Variants in ECHDC1 observed in about 807,000 individuals in gnomAD.
ECHDC1 encodes ethylmalonyl-CoA decarboxylase 1.
In ECHDC1, 29 loss-of-function variants were observed where a neutral mutation model predicts 29.7. That is an observed-to-expected ratio of 0.98 (90% confidence interval 0.73 to 1.33). The LOEUF is 1.33. Among genes scored for constraint, ECHDC1 ranks in the 40% most tolerant of loss-of-function variants. The pLI is 0.00. For missense variants in ECHDC1, 328 were observed against 350.0 expected (o/e 0.94, Z 0.50); for synonymous variants, 126 against 123.1 (o/e 1.02, Z -0.15).
chr6:127,310,293 A>G (rs1781800140), intron 5 of ECHDC1, among the ~76,000 whole-genome samples: 1 of 152,146 alleles, frequency 6.6e-6, no homozygotes. Context: ...TGGAAACCCC[A>G]TTTTCCATAA....
intron 5 of ECHDC1, among the ~76,000 whole-genome samples, chr6:127,291,767 G>A (rs571635084): frequency 2.6e-5 from 4 of 152,162 alleles, no homozygotes; most frequent in South Asian, 4.1e-4. Context: ...TCTTTGACCC[G>A]AGAGAATTCT....
chr6:127,334,711 A>G (rs1338571654), intron 1 of ECHDC1, among the ~76,000 whole-genome samples: 2 of 152,008 alleles, frequency 1.3e-5, no homozygotes, highest in Admixed American at 1.3e-4. Context: ...TCTCCCCTAT[A>G]TTGTTCTTTC....
rs942602386 is a variant in ECHDC1, at chr6:127,343,524, T to C, written c.-191A>G. The stretch of plus-strand genomic sequence containing the variant: ...TCTCCTTTCCTTTCTCCGGGAACTT[T>C]ATCCCGTTCCCCTGCCGGTTCCCGT... On this transcript the variant is annotated 5_prime_UTR_variant, in exon 1 of 6. The change creates a new upstream start codon in the 5' untranslated region. Transcript: ENST00000454859. 1.2e-4 allele frequency: 19 copies of C among 152,256 alleles called. No individual in the cohort carries two copies. Among genetic ancestry groups the C allele is most frequent in the African/African-American group, 4.3e-4 (18 of 41,544 alleles). The allele number at this position is 152,256 out of a possible 1,614,324, so 9.4% of individuals were successfully genotyped here.
intron 1 of ECHDC1, among the ~76,000 whole-genome samples, chr6:127,334,415 C>CT (rs1784251392): frequency 6.6e-6 from 1 of 152,208 alleles, no homozygotes; most frequent in African/African-American, 2.4e-5. Context: ...TCTCCTATTA[C>CT]TAATACAGTT....
chr6:127,315,019 C>G (rs1343884308), intron 4 of ECHDC1, 123 bp from the exon 5 acceptor site: 1 of 847,026 alleles, frequency 1.2e-6, no homozygotes, highest in Admixed American at 2.0e-5. Flanking sequence ...TTCATAAAAA[C>G]AAACACACAT....
chr6:127,311,473 G>C (rs371970899), intron 5 of ECHDC1, among the ~76,000 whole-genome samples: 1 of 151,694 alleles, frequency 6.6e-6, no homozygotes, highest in Admixed American at 6.6e-5. Flanking sequence ...TCAGGAGTTC[G>C]AGACCAACCT....
intron 1 of ECHDC1, among the ~76,000 whole-genome samples, chr6:127,339,759 C>A (rs945792519): frequency 1.3e-4 from 16 of 121,892 alleles, no homozygotes; most frequent in Admixed American, 5.6e-4. Flanking sequence ...GGTGACAGAG[C>A]GAGAGACTCT....
chr6:127,319,299 T>C (rs936493545), intron 3 of ECHDC1, among the ~76,000 whole-genome samples: 2 of 152,224 alleles, frequency 1.3e-5, no homozygotes, highest in African/African-American at 4.8e-5. Flanking sequence ...GTCTCTTATC[T>C]GCAAATTGTG....
intron 3 of ECHDC1, chr6:127,318,028 A>G (rs1782541367): frequency 6.6e-6 from 1 of 152,192 alleles, no homozygotes; most frequent in Non-Finnish European, 1.5e-5. Context: ...CCTCTTAAAT[A>G]TAATCTTCCA....
At chr6:127,315,419 A>G (rs575589013) in intron 4 of ECHDC1, 9 of 294,898 alleles carry the variant, frequency 3.1e-5, no homozygotes, top group South Asian at 2.3e-4. Context: ...GAAATAATCC[A>G]CAGACTAATC....
intron 3 of ECHDC1, among the ~76,000 whole-genome samples, chr6:127,317,236 C>T (rs1002474946): frequency 6.6e-6 from 1 of 152,004 alleles, no homozygotes; most frequent in Non-Finnish European, 1.5e-5. Context: ...TTGTTCTTTT[C>T]CAGTCTTCTT....
At chr6:127,327,893 T>C (rs1157963445) in intron 2 of ECHDC1, among the ~76,000 whole-genome samples, 2 of 152,224 alleles carry the variant, frequency 1.3e-5, no homozygotes, top group Non-Finnish European at 2.9e-5. Flanking sequence ...GATATGCTTA[T>C]CTTTGGTGAT....
At chr6:127,319,728 G>C (rs977818605) in intron 3 of ECHDC1, among the ~76,000 whole-genome samples, 1 of 152,150 alleles carries the variant, frequency 6.6e-6, no homozygotes, top group African/African-American at 2.4e-5. Flanking sequence ...ACTAAAACAA[G>C]GTTTTCAAAG....
At chr6:127,315,818 AC>A (rs2114620875) in intron 4 of ECHDC1, 1 of 406,142 alleles carries the variant, frequency 2.5e-6, no homozygotes, top group South Asian at 1.9e-5. Flanking sequence ...CCAATTAATA[AC>A]CTTGCTTAAA....
intron 5 of ECHDC1, among the ~76,000 whole-genome samples, chr6:127,297,302 A>G (rs983499814): frequency 3.3e-5 from 5 of 152,386 alleles, no homozygotes; most frequent in Non-Finnish European, 4.4e-5. Flanking sequence ...AAGTATAGAT[A>G]AAGTTATTCA....
chr6:127,342,464 A>T, intron 1 of ECHDC1: 1 of 1,362,654 alleles, frequency 7.3e-7, no homozygotes, highest in Non-Finnish European at 9.8e-7. Context: ...AGAACCCAAT[A>T]AAAAATCAAG....
intron 3 of ECHDC1, among the ~76,000 whole-genome samples, chr6:127,325,951 T>A (rs1161914719): frequency 6.6e-6 from 1 of 152,030 alleles, no homozygotes; most frequent in African/African-American, 2.4e-5. Context: ...AATCCTCCCA[T>A]CTCAGCCTAC....
chr6:127,300,879 T>C (rs565440974), intron 5 of ECHDC1, among the ~76,000 whole-genome samples: 1 of 152,330 alleles, frequency 6.6e-6, no homozygotes, highest in East Asian at 1.9e-4. Context: ...CCACAGAATT[T>C]GTGGTAGTTT....
At chr6:127,297,295 T>C (rs1780689205) in intron 5 of ECHDC1, among the ~76,000 whole-genome samples, 2 of 152,200 alleles carry the variant, frequency 1.3e-5, no homozygotes, top group South Asian at 4.1e-4. Context: ...TACTAAAAAG[T>C]ATAGATAAAG....
Sources: allele counts gnomAD v4.1 joint callset (sites outside exome capture counted in the v4.1 genomes callset), GRCh38; gene constraint gnomAD v4.1.1; transcripts MANE v1.5; gene names NCBI Gene and HGNC (gene_info 2026-07-23, HGNC 2026-07-21).